The following CFAP20DC variants were observed in gnomAD, a reference collection of about 807,000 sequenced individuals.
CFAP20DC encodes the protein protein CFAP20DC.
CFAP20DC carries 84 observed loss-of-function variants against 101.7 expected under a neutral mutation model. That is an observed-to-expected ratio of 0.83 (90% CI 0.69 to 0.99). The LOEUF is 0.99. Among genes scored for constraint, CFAP20DC ranks in the 50% least tolerant of loss-of-function variants. The pLI, the probability that CFAP20DC is intolerant of heterozygous loss-of-function variation, is 0.00. For synonymous variants in CFAP20DC, 359 were observed against 351.2 expected, an observed-to-expected ratio of 1.02 and a Z score of -0.25; for missense variants, 1,007 against 970.3, an observed-to-expected ratio of 1.04 and a Z score of -0.50.
At chr3:58,955,240 A>T (rs1460905696) in intron 4 of CFAP20DC, among the ~76,000 whole-genome samples, 1 of 152,152 alleles carries the variant, frequency 6.6e-6, no homozygotes, top group African/African-American at 2.4e-5. Context: ...AAACACCTTC[A>T]TAAGAACCAA....
rs1699931061 is a variant in CFAP20DC at position 59,047,162 on chromosome 3, T to TA, written c.111+2dup. 1 of 1,523,214 alleles carries TA rather than the reference T, an allele frequency of 6.6e-7. No individual in the cohort carries two copies. The highest frequency in any genetic ancestry group is 8.8e-7 in the Non-Finnish European group (1 of 1,135,986). 94.4% of individuals were successfully genotyped at this position (1,523,214 alleles called of 1,614,324 possible). On this transcript the variant is annotated splice_region_variant and intron_variant, in intron 2 of 16. Coordinates refer to ENST00000482387, the MANE Select transcript of CFAP20DC (RefSeq NM_001394063.1). Reference sequence around the variant, plus strand: ...TTATGTGGCTCTAATTTCTAATACTTACTTTCCAAATCACAGATGGACTAC... The same window carrying TA: ...TTATGTGGCTCTAATTTCTAATACTTAACTTTCCAAATCACAGATGGACTAC...
At chr3:58,851,710 C>T (rs376835251) in intron 12 of CFAP20DC, among the ~76,000 whole-genome samples, 1 of 152,084 alleles carries the variant, frequency 6.6e-6, no homozygotes, top group South Asian at 2.1e-4. Context: ...GGGAATATAA[C>T]CACGTCGATG....
At chr3:58,785,473 T>C (rs185245372) in intron 15 of CFAP20DC, among the ~76,000 whole-genome samples, 35 of 152,224 alleles carry the variant, frequency 2.3e-4, no homozygotes, top group African/African-American at 7.9e-4. Flanking sequence ...ATATTCAAGA[T>C]GGATACCCCA....
In CFAP20DC at chr3:59,049,774, C is replaced by G; in HGVS notation, c.-143G>C. 1 of 995,274 alleles carries G rather than the reference C, an allele frequency of 1.0e-6. No individual in the cohort carries two copies. Among genetic ancestry groups the G allele is most frequent in the Non-Finnish European group, 1.4e-6 (1 of 690,640 alleles). 61.7% of individuals were successfully genotyped at this position (995,274 alleles called of 1,614,324 possible). The stretch of plus-strand genomic sequence containing the variant: ...GCTTCGTGCTTGGCCCAGACTTGGG[C>G]AGGCTCTTCTCAGCCCCTCCGGCCC... On this transcript the variant is annotated 5_prime_UTR_variant, in exon 1 of 17. Coordinates refer to ENST00000482387, the MANE Select transcript of CFAP20DC (RefSeq NM_001394063.1).
At chr3:59,022,303 C>T (rs1313815034) in intron 4 of CFAP20DC, among the ~76,000 whole-genome samples, 1 of 151,992 alleles carries the variant, frequency 6.6e-6, no homozygotes, top group Non-Finnish European at 1.5e-5. Context: ...TAAGAAACTG[C>T]ATCCTGAGAG....
chr3:58,779,100 A>T (rs957189781), intron 15 of CFAP20DC, among the ~76,000 whole-genome samples: 1 of 152,244 alleles, frequency 6.6e-6, no homozygotes, highest in South Asian at 2.1e-4. Context: ...CAGGATAATT[A>T]TTCAGCAACA....
intron 5 of CFAP20DC, among the ~76,000 whole-genome samples, chr3:58,931,469 C>T (rs2086670800): frequency 6.6e-6 from 1 of 152,220 alleles, no homozygotes; most frequent in Non-Finnish European, 1.5e-5. Context: ...AGACTGCCTC[C>T]TCAAGTGGGT....
At chr3:58,849,504 G>T in intron 12 of CFAP20DC, 95 bp from the exon 13 acceptor site, 2 of 956,890 alleles carry the variant, frequency 2.1e-6, no homozygotes, top group Non-Finnish European at 3.0e-6. Flanking sequence ...TATTTTCTAT[G>T]AATAAAGCAA....
chr3:58,976,459 T>C (rs748760946), intron 4 of CFAP20DC, among the ~76,000 whole-genome samples: 2 of 152,172 alleles, frequency 1.3e-5, no homozygotes, highest in Non-Finnish European at 2.9e-5. Flanking sequence ...CATGTTATGA[T>C]GACCATTTTT....
chr3:58,960,637 C>T (rs1417628305), intron 4 of CFAP20DC, among the ~76,000 whole-genome samples: 2 of 151,952 alleles, frequency 1.3e-5, no homozygotes, highest in African/African-American at 2.4e-5. Flanking sequence ...TCATATTCTG[C>T]AACTTTGCTG....
chr3:58,922,239 T>C (rs1291499056), intron 5 of CFAP20DC, among the ~76,000 whole-genome samples: 2 of 152,242 alleles, frequency 1.3e-5, no homozygotes, highest in African/African-American at 4.8e-5. Flanking sequence ...ATCTTGCTCT[T>C]TGTTTTCAAT....
At chr3:58,946,167 A>G (rs1420964043) in intron 4 of CFAP20DC, among the ~76,000 whole-genome samples, 1 of 131,064 alleles carries the variant, frequency 7.6e-6, no homozygotes, top group Non-Finnish European at 1.5e-5. Context: ...CCCAGGCTGG[A>G]GTGCAGTGAC....
intron 10 of CFAP20DC, 23 bp from the exon 11 acceptor site, chr3:58,866,711 CCTCT>C (rs771423623): frequency 7.0e-7 from 1 of 1,426,850 alleles, no homozygotes; most frequent in African/African-American, 1.4e-5. Context: ...AAATATTTTC[CCTCT>C]ATTACTTCTT....
intron 4 of CFAP20DC, among the ~76,000 whole-genome samples, chr3:59,000,730 A>G (rs1322980315): frequency 6.6e-6 from 1 of 152,182 alleles, no homozygotes; most frequent in Non-Finnish European, 1.5e-5. Context: ...GATGTGAAGA[A>G]CAACACAGAA....
intron 4 of CFAP20DC, among the ~76,000 whole-genome samples, chr3:58,941,106 G>A (rs1169887503): frequency 6.6e-6 from 1 of 151,942 alleles, no homozygotes; most frequent in Non-Finnish European, 1.5e-5. Flanking sequence ...TGAGGCGGGT[G>A]GATCACGAGG....
At chr3:58,785,705 A>G (rs190162917) in intron 15 of CFAP20DC, among the ~76,000 whole-genome samples, 2 of 152,270 alleles carry the variant, frequency 1.3e-5, no homozygotes, top group African/African-American at 4.8e-5. Flanking sequence ...TTTGCTTCAT[A>G]TGGAAGGAAA....
Position 58,913,898 on chromosome 3 carries a change from C to T in CFAP20DC, c.394-34G>A. On this transcript the variant is annotated intron_variant, in intron 5 of 16. Coordinates refer to ENST00000482387, the MANE Select transcript of CFAP20DC (RefSeq NM_001394063.1). This position sits in a 1 kb window ranked among gnomAD's most constrained non-coding sequence, Gnocchi z 4.4. The stretch of plus-strand genomic sequence containing the variant: ...GAGAGATGCAAAGAAGAGTAAGGAC[C>T]TTTCATCAACACATAAATGAACAAA... The T allele has an allele frequency of 6.2e-7, 1 of 1,607,212 alleles. No homozygotes were observed. The highest frequency in any genetic ancestry group is 8.5e-7 in the Non-Finnish European group (1 of 1,175,128).
chr3:59,047,144 G>A (rs1034704625), intron 2 of CFAP20DC, 21 bp downstream of exon 2: 1 of 1,428,956 alleles, frequency 7.0e-7, no homozygotes, highest in Non-Finnish European at 9.5e-7. Flanking sequence ...GATTTATGTG[G>A]CTCTAATTTC....
At chr3:58,998,108 G>C (rs886785849) in intron 4 of CFAP20DC, among the ~76,000 whole-genome samples, 16 of 152,120 alleles carry the variant, frequency 1.1e-4, no homozygotes, top group Admixed American at 9.8e-4. Context: ...TGGTAGCTGT[G>C]GGGTAGACAG....
Sources: allele counts gnomAD v4.1 joint callset (sites outside exome capture counted in the v4.1 genomes callset), GRCh38; gene constraint gnomAD v4.1.1; non-coding constraint Gnocchi (gnomAD v3.1); transcripts MANE v1.5; gene names NCBI Gene and HGNC (gene_info 2026-07-23, HGNC 2026-07-21).